The following ERBB4 variants were observed in gnomAD, a reference collection of about 807,000 sequenced individuals.
ERBB4 encodes the protein erb-b2 receptor tyrosine kinase 4.
Under a neutral mutation model 158.0 loss-of-function variants are expected in ERBB4, and 42 were observed. That is an observed-to-expected ratio of 0.27 (90% CI 0.21 to 0.34). The LOEUF is 0.34. Ranked by LOEUF, ERBB4 falls within the 10% of genes least tolerant of loss-of-function variation. The probability of loss-of-function intolerance (pLI) is 1.00; values close to 1 mark genes in which losing one functional copy is unlikely to be tolerated. For synonymous variants in ERBB4, 583 were observed against 558.7 expected (o/e 1.04, Z -0.61); for missense variants, 1,333 against 1,624.1 (o/e 0.82, Z 3.08).
rs569927190 is a variant in ERBB4, at chr2:211,896,763, A to G, written c.421+50667T>C. Among the ~76,000 whole-genome samples, 4 of 152,290 alleles carry G rather than the reference A, an allele frequency of 2.6e-5. No individual in the cohort carries two copies. In the East Asian group the frequency reaches 5.8e-4, roughly 22 times the overall value. Reference sequence around the variant, plus strand: ...AAAAATATGAAAAAGACTGTTTAACATGCCACATTAGGTCAAAAGAGCTAT... The same window carrying G: ...AAAAATATGAAAAAGACTGTTTAACGTGCCACATTAGGTCAAAAGAGCTAT... On this transcript the variant is annotated intron_variant, in intron 3 of 27. Coordinates refer to ENST00000342788, the MANE Select transcript of ERBB4 (RefSeq NM_005235.3).
intron 19 of ERBB4, among the ~76,000 whole-genome samples, chr2:211,580,965 A>AGT (rs1231365085): frequency 1.2e-4 from 18 of 147,250 alleles, no homozygotes; most frequent in Non-Finnish European, 7.5e-5. Context: ...TGGCATTTGC[A>AGT]GTGACCTGGA....
chr2:212,134,294 A>G (rs1233359470), intron 1 of ERBB4, among the ~76,000 whole-genome samples: 3 of 152,036 alleles, frequency 2.0e-5, no homozygotes, highest in Non-Finnish European at 4.4e-5. Flanking sequence ...ACATTACTCT[A>G]TTAGTATAAT....
chr2:211,899,755 C>G (rs2079186253), intron 3 of ERBB4, among the ~76,000 whole-genome samples: 1 of 152,128 alleles, frequency 6.6e-6, no homozygotes, highest in South Asian at 2.1e-4. Flanking sequence ...GAGCTTGCCA[C>G]TAATCATCAC....
chr2:211,417,822 A>G lies in ERBB4; in HGVS notation c.3135+2619T>C, dbSNP rs2125397106. 2.0e-5 allele frequency among the ~76,000 whole-genome samples: 3 copies of G among 152,332 alleles called. 1 individual carries two copies. In the Middle Eastern group the frequency reaches 0.01, roughly 518 times the overall value. On this transcript the variant is annotated intron_variant, in intron 25 of 27. Transcript: ENST00000342788. ...AAGAAAGTGTGATTATTTATGATAT[A>G]TGATATTGACAAGGAAAAAGGTAAA...
chr2:211,636,395 C>G (rs1465165810), intron 16 of ERBB4, among the ~76,000 whole-genome samples: 1 of 151,882 alleles, frequency 6.6e-6, no homozygotes, highest in South Asian at 2.1e-4. Context: ...TAAATATACA[C>G]AAATACATTC....
chr2:212,344,884 CTT>C (rs1419637767), intron 1 of ERBB4, among the ~76,000 whole-genome samples: 2 of 152,134 alleles, frequency 1.3e-5, no homozygotes, highest in East Asian at 1.9e-4. Flanking sequence ...CTCTAAGACT[CTT>C]TTGTTATCTT....
At chr2:212,527,690 T>TTTTATTTA (rs143126554) in intron 1 of ERBB4, among the ~76,000 whole-genome samples, 2,224 of 149,710 alleles carry the variant, frequency 0.015, 16 homozygotes, top group African/African-American at 0.025. Context: ...TCCCCAAATC[T>TTTTATTTA]TTTATTTATT....
chr2:212,264,566 T>G (rs1462195343), intron 1 of ERBB4, among the ~76,000 whole-genome samples: 1 of 152,206 alleles, frequency 6.6e-6, no homozygotes, highest in Non-Finnish European at 1.5e-5. Context: ...GTCAAAATTA[T>G]CAAGATAGGT....
At chr2:211,758,491 T>G (rs556670536) in intron 4 of ERBB4, among the ~76,000 whole-genome samples, 2 of 152,352 alleles carry the variant, frequency 1.3e-5, no homozygotes, top group African/African-American at 4.8e-5. Flanking sequence ...TAATTATCAC[T>G]GTTTATAGCT....
chr2:212,095,567 G>C (rs1024132917), intron 2 of ERBB4, among the ~76,000 whole-genome samples: 2 of 152,188 alleles, frequency 1.3e-5, no homozygotes, highest in African/African-American at 4.8e-5. Context: ...CTTGTGACTC[G>C]ATTGCTAATG....
chr2:211,744,166 G>A (rs2074885670), intron 5 of ERBB4, among the ~76,000 whole-genome samples: 1 of 152,118 alleles, frequency 6.6e-6, no homozygotes, highest in African/African-American at 2.4e-5. Flanking sequence ...TAGTTTCACA[G>A]TTTATAGCCT....
chr2:211,689,737 T>C (rs1177418520), intron 12 of ERBB4, among the ~76,000 whole-genome samples: 1 of 139,828 alleles, frequency 7.2e-6, no homozygotes, highest in African/African-American at 2.5e-5. Flanking sequence ...CATTTAAAGG[T>C]TACTTATCAA....
intron 2 of ERBB4, among the ~76,000 whole-genome samples, chr2:212,055,383 CA>C (rs934045811): frequency 3.3e-4 from 50 of 151,686 alleles, no homozygotes; most frequent in African/African-American, 9.9e-4. Flanking sequence ...AGGGCATAGC[CA>C]AAAGGCAGAC....
chr2:212,477,328 T>C (rs1689454368), intron 1 of ERBB4, among the ~76,000 whole-genome samples: 2 of 152,104 alleles, frequency 1.3e-5, no homozygotes, highest in Admixed American at 6.6e-5. Flanking sequence ...GCCACTTTGA[T>C]AGCCAGGCAA....
intron 20 of ERBB4, among the ~76,000 whole-genome samples, chr2:211,550,940 C>T (rs992136729): frequency 3.3e-5 from 5 of 151,084 alleles, no homozygotes; most frequent in African/African-American, 1.2e-4. Flanking sequence ...AGGTTCCCCC[C>T]GACCACCTTT....
chr2:211,983,786 AGAATT>A (rs1468001590), intron 2 of ERBB4, among the ~76,000 whole-genome samples: 1 of 152,210 alleles, frequency 6.6e-6, no homozygotes, highest in Non-Finnish European at 1.5e-5. Flanking sequence ...AGTATTTGAA[AGAATT>A]AAGAATAGAG....
chr2:211,432,647 G>A (rs2063768816), intron 20 of ERBB4, among the ~76,000 whole-genome samples: 1 of 150,204 alleles, frequency 6.7e-6, no homozygotes, highest in African/African-American at 2.5e-5. Flanking sequence ...CTTGGAGATA[G>A]AATATTTTCA....
intron 2 of ERBB4, among the ~76,000 whole-genome samples, chr2:212,076,940 T>G (rs1440560613): frequency 2.6e-5 from 4 of 151,880 alleles, no homozygotes; most frequent in African/African-American, 7.2e-5. Context: ...AGTTCTATTG[T>G]TTAATAAGGG....
chr2:212,029,792 A>G (rs2076858338), intron 2 of ERBB4, among the ~76,000 whole-genome samples: 1 of 152,146 alleles, frequency 6.6e-6, no homozygotes, highest in African/African-American at 2.4e-5. Flanking sequence ...AAGTTCACTT[A>G]TGTATTTAAT....
Sources: allele counts gnomAD v4.1 joint callset (sites outside exome capture counted in the v4.1 genomes callset), GRCh38; gene constraint gnomAD v4.1.1; transcripts MANE v1.5; gene names NCBI Gene and HGNC (gene_info 2026-07-23, HGNC 2026-07-21).